Variants in CTBP1 observed in about 807,000 individuals in gnomAD.
The protein encoded by CTBP1 is C-terminal binding protein 1, also known as C-terminal-binding protein 1.
Under a neutral mutation model 42.1 loss-of-function variants are expected in CTBP1, and 11 were observed. The ratio of observed to expected loss-of-function variants is 0.26; its 90% CI spans 0.16 to 0.43. CTBP1 has a LOEUF of 0.43. CTBP1 is among the 20% of genes least tolerant of loss of function. The pLI, the probability that CTBP1 is intolerant of heterozygous loss-of-function variation, is 1.00. For missense variants in CTBP1, 399 were observed against 624.3 expected (o/e 0.64, Z 3.85); for synonymous variants, 324 against 277.1 (o/e 1.17, Z -1.68).
At chr4:1,240,915 G>A (rs982017484) in intron 2 of CTBP1, among the ~76,000 whole-genome samples, 13 of 152,224 alleles carry the variant, frequency 8.5e-5, no homozygotes, top group Admixed American at 7.2e-4. Context: ...GGGCCAGAGA[G>A]CGCAGACCAA....
intron 2 of CTBP1, among the ~76,000 whole-genome samples, chr4:1,240,176 CGCGTGGGGG>C (rs1732016815): frequency 4.8e-5 from 7 of 144,494 alleles, no homozygotes; most frequent in African/African-American, 7.6e-5. Context: ...TCGTCAGAAC[CGCGTGGGGG>C]ACTCCCGGGT....
intron 5 of CTBP1, 56 bp downstream of exon 5, chr4:1,225,304 G>T: frequency 6.7e-7 from 1 of 1,499,768 alleles, no homozygotes; most frequent in South Asian, 1.3e-5. Flanking sequence ...CACAGCTGAA[G>T]AGCGGCAGCG....
intron 1 of CTBP1, chr4:1,244,416 C>T: frequency 2.0e-6 from 2 of 984,936 alleles, no homozygotes; most frequent in Non-Finnish European, 2.4e-6. Context: ...CAAGCAGCTA[C>T]CCCTGTTCCT....
chr4:1,248,858 GCACC>G, intron 1 of CTBP1, 54 bp downstream of exon 1: 1 of 904,640 alleles, frequency 1.1e-6, no homozygotes, highest in Non-Finnish European at 1.3e-6. Flanking sequence ...CGCCCGCGCG[GCACC>G]CGCCCCGCCC....
At chr4:1,222,941 C>A (rs1729914177) in intron 5 of CTBP1, among the ~76,000 whole-genome samples, 1 of 152,158 alleles carries the variant, frequency 6.6e-6, no homozygotes, top group African/African-American at 2.4e-5. Flanking sequence ...CCATACCCCC[C>A]CCACATCCCA....
chr4:1,232,862 G>A (rs937043261), intron 3 of CTBP1: 4 of 152,120 alleles, frequency 2.6e-5, no homozygotes, highest in Non-Finnish European at 5.9e-5. Context: ...AGAATTCACC[G>A]ACTCCCCAGT....
intron 1 of CTBP1, among the ~76,000 whole-genome samples, chr4:1,248,383 C>G (rs1732976419): frequency 6.6e-6 from 1 of 151,526 alleles, no homozygotes; most frequent in Non-Finnish European, 1.5e-5. Context: ...GCCCCGTCCC[C>G]TTCCCCCACA....
upstream of CTBP1, chr4:1,249,448 G>C (rs532159321): frequency 1.3e-5 from 2 of 155,436 alleles, no homozygotes; most frequent in South Asian, 3.5e-4. Flanking sequence ...GGCCGCCCAC[G>C]TCAGCGCCTG....
chr4:1,238,420 G>C lies in CTBP1; in HGVS notation c.8-83C>G, dbSNP rs551381886. ...CACTCCACGCCACCCACTGTGCACG[G>C]GCCAACGAGGGCCGACCGCCGGGGG... On this transcript the variant is annotated intron_variant, in intron 2 of 9. Coordinates refer to ENST00000382952, the MANE Select transcript of CTBP1 (RefSeq NM_001012614.2). The surrounding 1 kb of genome is among the most constrained non-coding windows in gnomAD (Gnocchi z 5.9). 3,433 of 1,455,566 alleles carry C rather than the reference G, an allele frequency of 2.4e-3. 5 individuals carry two copies. The highest frequency in any genetic ancestry group is 2.9e-3 in the Non-Finnish European group (3,232 of 1,097,254). 90.2% of individuals were successfully genotyped at this position (1,455,566 alleles called of 1,614,324 possible).
chr4:1,226,191 G>C (rs1275198133), intron 4 of CTBP1, among the ~76,000 whole-genome samples: 1 of 152,086 alleles, frequency 6.6e-6, no homozygotes, highest in Non-Finnish European at 1.5e-5. Context: ...TCCCGGCCTT[G>C]TCCCCAGAGA....
At chr4:1,213,155 TC>T in intron 8 of CTBP1, 125 bp from the exon 9 acceptor site, 1 of 887,346 alleles carries the variant, frequency 1.1e-6, no homozygotes, top group Non-Finnish European at 1.8e-6. Flanking sequence ...GCCCCGGGGC[TC>T]CCAAGGCACG....
At chr4:1,222,648 C>G (rs963822310) in intron 5 of CTBP1, among the ~76,000 whole-genome samples, 1 of 152,170 alleles carries the variant, frequency 6.6e-6, no homozygotes, top group African/African-American at 2.4e-5. Context: ...CCTTAACGAA[C>G]GGGGTGGCCA....
intron 5 of CTBP1, among the ~76,000 whole-genome samples, chr4:1,222,257 G>A (rs1729824237): frequency 6.6e-6 from 1 of 152,082 alleles, no homozygotes; most frequent in South Asian, 2.1e-4. Flanking sequence ...GTGCCAGGTG[G>A]GCAGCCGGGG....
At chr4:1,218,879 G>A (rs995428692) in intron 5 of CTBP1, among the ~76,000 whole-genome samples, 1 of 152,082 alleles carries the variant, frequency 6.6e-6, no homozygotes, top group Non-Finnish European at 1.5e-5. Flanking sequence ...GGAAAAACAA[G>A]GATGAACAGA....
Position 1,241,407 on chromosome 4 carries a change from G to A in CTBP1, c.-76C>T. On this transcript the variant is annotated 5_prime_UTR_variant, in exon 2 of 10. Transcript: ENST00000382952. ...TTTTTATCTTCAGGATCCCCAGGCA[G>A]AACCGCGTCCTGTCTCGGAGCCTCA... is the stretch of plus-strand genomic sequence containing the variant. 2 of 1,319,376 alleles carry A rather than the reference G, an allele frequency of 1.5e-6. No individual in the cohort carries two copies. The highest frequency in any genetic ancestry group is 2.2e-6 in the Non-Finnish European group (2 of 910,848). The allele number at this position is 1,319,376 out of a possible 1,614,324, so 81.7% of individuals were successfully genotyped here.
chr4:1,216,346 G>C, intron 5 of CTBP1, 141 bp from the exon 6 acceptor site: 1 of 807,706 alleles, frequency 1.2e-6, no homozygotes, highest in Non-Finnish European at 1.9e-6. Context: ...AAGCCAAGGT[G>C]CCCACGCACG....
At position 1,216,139 on chromosome 4, in the gene CTBP1, G is replaced by T; in HGVS notation, c.581C>A (p.Pro194His). The change falls in exon 6 of 10, where the codon CCT (proline) becomes CAT (histidine). Residue 194 changes from proline (P) to histidine (H), a missense_variant. By Grantham distance (77) the Pro-to-His change is moderately conservative. This residue lies in a region of CTBP1 where 309 missense variants were observed against 497.5 expected (regional missense o/e 0.62). Coordinates refer to ENST00000382952, the MANE Select transcript of CTBP1 (RefSeq NM_001012614.2). ...AFGFNVLFYDPYLSDGVERAL... is the reference protein window; with the variant it reads ...AFGFNVLFYDHYLSDGVERAL... ...CCGCTCCACGCCATCCGACAAGTAA[G>T]GGTCGTAGAAGAGCACGTTGAAGCC... The T allele has an allele frequency of 1.2e-6, 2 of 1,611,284 alleles. No individual in the cohort carries two copies. The highest frequency in any genetic ancestry group is 2.2e-5 in the South Asian group (2 of 90,992).
intron 2 of CTBP1, among the ~76,000 whole-genome samples, chr4:1,240,729 T>A (rs1732087347): frequency 1.3e-5 from 2 of 152,002 alleles, no homozygotes; most frequent in African/African-American, 4.8e-5. Flanking sequence ...GCACCCAAGG[T>A]GCCTCCTCAC....
intron 9 of CTBP1, 66 bp downstream of exon 9, chr4:1,212,847 G>C (rs1295662116): frequency 3.6e-6 from 5 of 1,382,890 alleles, no homozygotes; most frequent in Non-Finnish European, 5.1e-6. Flanking sequence ...ACCAGGGGCT[G>C]TGCTGGGATC....
Sources: allele counts gnomAD v4.1 joint callset (sites outside exome capture counted in the v4.1 genomes callset), GRCh38; gene constraint gnomAD v4.1.1; regional missense constraint gnomAD v4.1.1; non-coding constraint Gnocchi (gnomAD v3.1); transcripts MANE v1.5; gene names NCBI Gene and HGNC (gene_info 2026-07-23, HGNC 2026-07-21).